The following HMGB1 variants were observed in gnomAD, a reference collection of about 807,000 sequenced individuals.
HMGB1 encodes the protein high mobility group protein B1.
For synonymous variants in HMGB1, 81 were observed against 84.0 expected, an observed-to-expected ratio of 0.96 and a Z score of 0.19; for missense variants, 79 against 253.5, an observed-to-expected ratio of 0.31 and a Z score of 4.67.
chr13:30,541,200 A>G (rs953815751), intron 1 of HMGB1, among the ~76,000 whole-genome samples: 1 of 152,154 alleles, frequency 6.6e-6, no homozygotes, highest in African/African-American at 2.4e-5. Flanking sequence ...GGGCTGGAAA[A>G]CGAAACTCAG....
At chr13:30,489,990 TGTTGG>T (rs1887448748) in intron 1 of HMGB1, among the ~76,000 whole-genome samples, 1 of 143,496 alleles carries the variant, frequency 7.0e-6, no homozygotes, top group Non-Finnish European at 1.5e-5. Context: ...CCTCCCAGAA[TGTTGG>T]GATTACAGGC....
chr13:30,507,481 A>G (rs1160326656), intron 1 of HMGB1, among the ~76,000 whole-genome samples: 1 of 152,222 alleles, frequency 6.6e-6, no homozygotes, highest in Non-Finnish European at 1.5e-5. Flanking sequence ...ATGAGGGAAC[A>G]AAGTATCTGG....
intron 1 of HMGB1, chr13:30,464,690 CTGCGCGTCTTCTCCGCCTG>C: frequency 1.0e-6 from 1 of 957,688 alleles, no homozygotes; most frequent in Non-Finnish European, 1.2e-6. Flanking sequence ...GGAATGGCCG[CTGCGCGTCTTCTCCGCCTG>C]CGCCGCCGCC....
At chr13:30,521,714 G>A (rs746576583) in intron 1 of HMGB1, among the ~76,000 whole-genome samples, 7 of 151,708 alleles carry the variant, frequency 4.6e-5, no homozygotes, top group Middle Eastern at 3.2e-3. Flanking sequence ...GTGTTTTCAC[G>A]TCTCTTGGGT....
At chr13:30,613,650 T>G (rs888465544) in intron 1 of HMGB1, among the ~76,000 whole-genome samples, 1 of 152,226 alleles carries the variant, frequency 6.6e-6, no homozygotes, top group African/African-American at 2.4e-5. Flanking sequence ...ATTATGTATG[T>G]ACATACATGC....
chr13:30,517,764 C>G (rs1398641409), intron 1 of HMGB1, among the ~76,000 whole-genome samples: 1 of 152,194 alleles, frequency 6.6e-6, no homozygotes, highest in Non-Finnish European at 1.5e-5. Flanking sequence ...TTCTGCATCT[C>G]AAATCCTCTG....
intron 1 of HMGB1, among the ~76,000 whole-genome samples, chr13:30,556,746 A>G (rs905406834): frequency 4.6e-5 from 7 of 152,252 alleles, no homozygotes; most frequent in Non-Finnish European, 1.0e-4. Context: ...AGAGGATACT[A>G]GAGGCTGGGA....
chr13:30,493,342 T>C (rs1306286850), intron 1 of HMGB1, among the ~76,000 whole-genome samples: 7 of 152,202 alleles, frequency 4.6e-5, no homozygotes, highest in Admixed American at 4.6e-4. Flanking sequence ...CAAAACTACA[T>C]ATTATATGTT....
intron 1 of HMGB1, among the ~76,000 whole-genome samples, chr13:30,579,090 G>A (rs1320175327): frequency 3.3e-5 from 5 of 152,190 alleles, no homozygotes; most frequent in Non-Finnish European, 5.9e-5. Context: ...ATCTTTGTAT[G>A]TCCTGGGAAC....
chr13:30,590,976 A>G (rs984267414), intron 1 of HMGB1, among the ~76,000 whole-genome samples: 1 of 151,966 alleles, frequency 6.6e-6, no homozygotes, highest in Non-Finnish European at 1.5e-5. Flanking sequence ...TGAATAGACT[A>G]AGACAAAGGT....
rs148125760 is a variant in HMGB1 at position 30,614,607 on chromosome 13, T to C, written c.-15+2064A>G. On this transcript the variant is annotated intron_variant, in intron 1 of 4. Transcript: ENST00000405805. ...GGATTAGATGTCAGATATTCCAGTA[T>C]CAACTTTAGACTATTATCACACCAT... 4.0e-3 allele frequency among the ~76,000 whole-genome samples: 613 copies of C among 152,336 alleles called. 4 individuals are homozygous for C. Among genetic ancestry groups the C allele is most frequent in the African/African-American group, 0.014 (583 of 41,576 alleles).
rs1869857170 is a variant in HMGB1, at chr13:30,559,545, T to G, written c.-15+57126A>C. Among the ~76,000 whole-genome samples, 1 of 152,182 alleles carries G rather than the reference T, an allele frequency of 6.6e-6. No individual in the cohort carries two copies. The highest frequency in any genetic ancestry group is 1.5e-5 in the Non-Finnish European group (1 of 68,036). Reference sequence around the variant, plus strand: ...GCAAAGTAGTGTTCAGAGATGTGCGTGTAGTAGGCTGCCTGCTCTAACACA... The same window carrying G: ...GCAAAGTAGTGTTCAGAGATGTGCGGGTAGTAGGCTGCCTGCTCTAACACA... On this transcript the variant is annotated intron_variant, in intron 1 of 4. Transcript: ENST00000405805. The surrounding 1 kb of genome is among the most constrained non-coding windows in gnomAD (Gnocchi z 6.6).
At chr13:30,567,400 G>A (rs1322776846) in intron 1 of HMGB1, among the ~76,000 whole-genome samples, 1 of 147,260 alleles carries the variant, frequency 6.8e-6, no homozygotes, top group African/African-American at 2.5e-5. Context: ...CTGGAGTGCA[G>A]TGGCATGATC....
chr13:30,609,808 C>T (rs7990544), intron 1 of HMGB1, among the ~76,000 whole-genome samples: 75,261 of 152,042 alleles, frequency 0.5, 21,282 homozygotes, highest in African/African-American at 0.77. Context: ...GTTTTTATAG[C>T]TTAGCTCCCA....
chr13:30,531,564 C>T lies in HMGB1; in HGVS notation c.-14-67870G>A, dbSNP rs192780855. 6.2e-5 allele frequency among the ~76,000 whole-genome samples: 8 copies of T among 129,980 alleles called. No individual in the cohort carries two copies. The East Asian group carries it at 1.6e-3, about 25-fold the overall frequency. The allele number at this position is 129,980 out of a possible 152,430, so 85.3% of individuals were successfully genotyped here. ...TGTGTGTGTGTGTGTGTGTTTTCAG[C>T]GAAATTTTTTTCCTGAATATGAAAG... On this transcript the variant is annotated intron_variant, in intron 1 of 4. Coordinates refer to the HMGB1 transcript ENST00000405805.
intron 1 of HMGB1, among the ~76,000 whole-genome samples, chr13:30,517,148 G>T (rs574606368): frequency 6.6e-6 from 1 of 152,306 alleles, no homozygotes; most frequent in East Asian, 1.9e-4. Flanking sequence ...GCAGGTTTTA[G>T]AACCTCCTGG....
rs1555242864 is a variant in HMGB1 at position 30,583,839 on chromosome 13, A to AAAAAGAAAGAAAGAAAGAAAG, written c.-15+32831_-15+32832insCTTTCTTTCTTTCTTTCTTTT. Among the ~76,000 whole-genome samples the AAAAAGAAAGAAAGAAAGAAAG allele has an allele frequency of 3.0e-4, 41 of 137,702 alleles. 1 individual carries two copies. The highest frequency in any genetic ancestry group is 1.1e-3 in the African/African-American group (39 of 34,772). 90.3% of individuals were successfully genotyped at this position (137,702 alleles called of 152,430 possible). On this transcript the variant is annotated intron_variant, in intron 1 of 4. Transcript: ENST00000405805. ...AGACTCTGTCTCAAAAAAAAAAAAAAAAAGAAAGAAAGAAAGAAAGAAAGA... is the reference window on the plus strand; with the variant it reads ...AGACTCTGTCTCAAAAAAAAAAAAAAAAAAGAAAGAAAGAAAGAAAGAAAGAAAGAAAGAAAGAAAGAAAGA...
chr13:30,587,788 T>G (rs1039997126), intron 1 of HMGB1, among the ~76,000 whole-genome samples: 5 of 152,192 alleles, frequency 3.3e-5, no homozygotes, highest in African/African-American at 1.2e-4. Context: ...AACAACATGA[T>G]AGGATTTCCT....
chr13:30,578,825 C>T (rs1870778926), intron 1 of HMGB1, among the ~76,000 whole-genome samples: 1 of 152,220 alleles, frequency 6.6e-6, no homozygotes, highest in Non-Finnish European at 1.5e-5. Flanking sequence ...ACCTCCCTGA[C>T]TTTGCATATG....
Sources: allele counts gnomAD v4.1 joint callset (sites outside exome capture counted in the v4.1 genomes callset), GRCh38; gene constraint gnomAD v4.1.1; non-coding constraint Gnocchi (gnomAD v3.1); transcripts MANE v1.5; gene names NCBI Gene and HGNC (gene_info 2026-07-23, HGNC 2026-07-21).